PPIL6: variants seen among roughly 807,000 people sequenced by gnomAD.
PPIL6 encodes peptidylprolyl isomerase like 6, also known as probable inactive peptidyl-prolyl cis-trans isomerase-like 6.
Under a neutral mutation model 36.8 loss-of-function variants are expected in PPIL6, and 39 were observed. The ratio of observed to expected loss-of-function variants is 1.06; its 90% CI spans 0.82 to 1.38. The LOEUF (loss-of-function observed/expected upper bound fraction) is 1.38, where lower values mean the gene tolerates loss of function less well. Ranked by LOEUF, PPIL6 falls within the 40% of genes most tolerant of loss-of-function variation. The pLI, the probability that PPIL6 is intolerant of heterozygous loss-of-function variation, is 0.00. For missense variants in PPIL6, 368 were observed against 379.1 expected (o/e 0.97, Z 0.24); for synonymous variants, 123 against 134.1 (o/e 0.92, Z 0.57).
chr6:109,402,972 T>C, intron 6 of PPIL6: 3 of 1,097,970 alleles, frequency 2.7e-6, no homozygotes, highest in East Asian at 2.6e-5. Context: ...ACAAGGGTAA[T>C]TTACGTGTTA....
chr6:109,403,135 TTTAAA>T (rs1772633724), intron 6 of PPIL6: 4 of 1,439,812 alleles, frequency 2.8e-6, no homozygotes, highest in East Asian at 2.5e-5. Context: ...ATAATTTAAA[TTTAAA>T]TTAAATTAAA....
chr6:109,432,603 T>G (rs1468753416), intron 2 of PPIL6, among the ~76,000 whole-genome samples: 1 of 152,196 alleles, frequency 6.6e-6, no homozygotes, highest in Admixed American at 6.5e-5. Flanking sequence ...ATTCTGATTC[T>G]AGGATGGTGC....
intron 2 of PPIL6, among the ~76,000 whole-genome samples, chr6:109,433,084 T>C (rs1418594004): frequency 6.7e-6 from 1 of 150,364 alleles, no homozygotes; most frequent in Non-Finnish European, 1.5e-5. Flanking sequence ...TGAGACCGAG[T>C]CTTGCTCTGT....
intron 6 of PPIL6, among the ~76,000 whole-genome samples, chr6:109,412,080 C>A (rs1034644329): frequency 1.3e-5 from 2 of 152,234 alleles, no homozygotes; most frequent in Admixed American, 6.5e-5. Flanking sequence ...CATCAATGTG[C>A]CATGTCAATC....
chr6:109,408,053 G>A (rs888602951), intron 6 of PPIL6, among the ~76,000 whole-genome samples: 1 of 152,158 alleles, frequency 6.6e-6, no homozygotes, highest in Non-Finnish European at 1.5e-5. Context: ...TTAATATTTG[G>A]TTGTGTGAAA....
At chr6:109,440,106 T>C (rs775631484) in intron 1 of PPIL6, 9 of 335,384 alleles carry the variant, frequency 2.7e-5, no homozygotes, top group Non-Finnish European at 5.2e-5. Context: ...TAAATTTAAA[T>C]ATCTCTAATT....
intron 2 of PPIL6, among the ~76,000 whole-genome samples, chr6:109,435,407 C>G (rs1341845785): frequency 6.6e-6 from 1 of 151,054 alleles, no homozygotes; most frequent in Non-Finnish European, 1.5e-5. Flanking sequence ...AAGCGATTCT[C>G]CTGCCTCAGC....
chr6:109,395,714 C>T (rs1772272167), intron 7 of PPIL6, among the ~76,000 whole-genome samples: 1 of 151,486 alleles, frequency 6.6e-6, no homozygotes, highest in Admixed American at 6.6e-5. Context: ...AAGCGATTCT[C>T]CTGCCTCAGC....
intron 2 of PPIL6, among the ~76,000 whole-genome samples, chr6:109,432,677 G>A (rs1195508062): frequency 6.6e-6 from 1 of 152,012 alleles, no homozygotes; most frequent in South Asian, 2.1e-4. Flanking sequence ...GCCTAGGCTG[G>A]TCCTGAATTC....
chr6:109,401,187 A>G (rs1420283261), intron 6 of PPIL6, among the ~76,000 whole-genome samples: 1 of 152,086 alleles, frequency 6.6e-6, no homozygotes, highest in African/African-American at 2.4e-5. Context: ...ATCTTCAAAT[A>G]AATTTTAATC....
At chr6:109,414,417 TTTCTAA>T (rs1163009365) in intron 6 of PPIL6, among the ~76,000 whole-genome samples, 1 of 152,110 alleles carries the variant, frequency 6.6e-6, no homozygotes, top group Non-Finnish European at 1.5e-5. Flanking sequence ...ATCATGTTTT[TTTCTAA>T]TTCTGATTTA....
At chr6:109,430,976 G>A (rs1046553255) in intron 3 of PPIL6, among the ~76,000 whole-genome samples, 181 bp downstream of exon 3, 1 of 152,156 alleles carries the variant, frequency 6.6e-6, no homozygotes, top group Non-Finnish European at 1.5e-5. Context: ...CGGGCTGTGA[G>A]ACACACTTGC....
chr6:109,431,362 CAAAAA>C lies in PPIL6; in HGVS notation c.232-22_232-18del. 5 of 1,071,726 alleles carry C rather than the reference CAAAAA, an allele frequency of 4.7e-6. No homozygotes were observed. The highest frequency in any genetic ancestry group is 2.6e-4 in the Middle Eastern group (1 of 3,888). 66.4% of individuals were successfully genotyped at this position (1,071,726 alleles called of 1,614,324 possible). ...TTTGAGTTCCTGTAAGGGAAAAGGA[CAAAAA>C]AAAAAAAAAACGTAAGAAGTGGGGG... is the stretch of plus-strand genomic sequence containing the variant. On this transcript the variant is annotated intron_variant, in intron 2 of 7. Coordinates refer to ENST00000521072, the MANE Select transcript of PPIL6 (RefSeq NM_173672.5).
chr6:109,437,654 A>G (rs964234458), intron 1 of PPIL6, among the ~76,000 whole-genome samples: 3 of 146,912 alleles, frequency 2.0e-5, no homozygotes, highest in Non-Finnish European at 4.4e-5. Flanking sequence ...TCCTGGGTTC[A>G]AGCAATTCTC....
At chr6:109,417,271 A>T (rs1032563055) in intron 6 of PPIL6, among the ~76,000 whole-genome samples, 2 of 151,794 alleles carry the variant, frequency 1.3e-5, no homozygotes, top group African/African-American at 4.8e-5. Flanking sequence ...TCTCCAAAAA[A>T]TGGTCCTCCA....
intron 6 of PPIL6, among the ~76,000 whole-genome samples, chr6:109,418,557 T>C (rs1378850912): frequency 6.6e-6 from 1 of 151,244 alleles, no homozygotes; most frequent in African/African-American, 2.4e-5. Context: ...TCTTTTTTTT[T>C]TTTTTTTGAG....
chr6:109,439,635 A>G (rs900225365), intron 1 of PPIL6, among the ~76,000 whole-genome samples: 1 of 152,168 alleles, frequency 6.6e-6, no homozygotes, highest in Non-Finnish European at 1.5e-5. Context: ...CCGCGCCAAG[A>G]TATCTTCTAT....
chr6:109,425,607 G>C (rs1264823785), intron 5 of PPIL6, among the ~76,000 whole-genome samples: 1 of 152,102 alleles, frequency 6.6e-6, no homozygotes, highest in East Asian at 1.9e-4. Context: ...AAATTAGCCA[G>C]GTGTGGGGGT....
At chr6:109,419,731 AAAAC>A (rs1773445483) in intron 5 of PPIL6, among the ~76,000 whole-genome samples, 1 of 152,178 alleles carries the variant, frequency 6.6e-6, no homozygotes, top group South Asian at 2.1e-4. Flanking sequence ...TTCAAAAAAA[AAAAC>A]AAAAGAATGC....
Sources: gnomAD v4.1 joint callset for allele counts (sites outside exome capture counted in the v4.1 genomes callset) on GRCh38, gnomAD v4.1.1 for gene constraint, MANE v1.5 for transcripts, NCBI Gene and HGNC (gene_info 2026-07-23, HGNC 2026-07-21) for gene names.